Variants in TRMT11 observed in about 807,000 individuals in gnomAD.
TRMT11 encodes tRNA (guanine(10)-N(2))-methyltransferase TRMT11.
Under a neutral mutation model 62.8 loss-of-function variants are expected in TRMT11, and 53 were observed. That is an observed-to-expected ratio of 0.84 (90% CI 0.68 to 1.06). TRMT11 has a LOEUF of 1.06. Among genes scored for constraint, TRMT11 ranks in the 50% least tolerant of loss-of-function variants. TRMT11 has a pLI of 0.00. For missense variants in TRMT11, 556 were observed against 553.4 expected, an observed-to-expected ratio of 1.00 and a Z score of -0.05; for synonymous variants, 188 against 190.3, an observed-to-expected ratio of 0.99 and a Z score of 0.10.
At chr6:126,067,131 G>A (rs1776716368) in intron 17 of TRMT11, among the ~76,000 whole-genome samples, 1 of 151,806 alleles carries the variant, frequency 6.6e-6, no homozygotes, top group Non-Finnish European at 1.5e-5. Context: ...AGGAGGCTGA[G>A]GCAGGAGAAT....
chr6:126,247,028 A>T, the TRMT11 span, among the ~76,000 whole-genome samples: 1 of 152,292 alleles, frequency 6.6e-6, no homozygotes, highest in African/African-American at 2.4e-5. Flanking sequence ...GCCAACCTGG[A>T]GATAAGACTT....
the TRMT11 span, among the ~76,000 whole-genome samples, chr6:126,269,263 C>CAA: frequency 0.02 from 1,252 of 63,022 alleles, 7 homozygotes; most frequent in Non-Finnish European, 0.026. Context: ...GACTCCGTCT[C>CAA]AAAAAAAAAA....
intron 16 of TRMT11, among the ~76,000 whole-genome samples, chr6:126,051,806 T>C (rs1486225796): frequency 6.6e-6 from 1 of 152,098 alleles, no homozygotes; most frequent in African/African-American, 2.4e-5. Context: ...GAGCCTATGG[T>C]ACAAGCATGA....
At chr6:126,189,824 T>A (rs372311817) in intron 1 of TRMT11, among the ~76,000 whole-genome samples, 19 of 152,250 alleles carry the variant, frequency 1.2e-4, no homozygotes, top group Middle Eastern at 3.4e-3. Flanking sequence ...CTCAAAACAG[T>A]CATTGTTTTT....
intron 17 of TRMT11, among the ~76,000 whole-genome samples, chr6:126,075,285 T>C (rs1776987788): frequency 6.6e-6 from 1 of 152,142 alleles, no homozygotes; most frequent in Admixed American, 6.6e-5. Context: ...CTAGTTCTTA[T>C]TGCTCTGCAG....
chr6:126,251,472 G>A, the TRMT11 span, among the ~76,000 whole-genome samples: 6 of 152,112 alleles, frequency 3.9e-5, no homozygotes, highest in African/African-American at 1.4e-4. Flanking sequence ...ATTTTTGTGT[G>A]AAAAGTGTTT....
chr6:126,240,202 C>T, the TRMT11 span, among the ~76,000 whole-genome samples: 1 of 152,212 alleles, frequency 6.6e-6, no homozygotes, highest in Non-Finnish European at 1.5e-5. Context: ...GCCTTCTTCT[C>T]TCAACTCGTC....
At chr6:126,131,617 T>C (rs1471158946) in intron 21 of TRMT11, among the ~76,000 whole-genome samples, 1 of 151,988 alleles carries the variant, frequency 6.6e-6, no homozygotes, top group Admixed American at 6.6e-5. Context: ...AGTCCTTAAG[T>C]ATGTTTACCT....
At chr6:126,080,113 T>TG (rs202143158) in intron 17 of TRMT11, among the ~76,000 whole-genome samples, 15,524 of 151,576 alleles carry the variant, frequency 0.1, 1,399 homozygotes, top group African/African-American at 0.25. Flanking sequence ...TTGTTGTTGT[T>TG]TTTTTAGAGA....
chr6:126,078,939 T>C (rs899095867), intron 17 of TRMT11, among the ~76,000 whole-genome samples: 37 of 152,214 alleles, frequency 2.4e-4, no homozygotes, highest in African/African-American at 8.9e-4. Flanking sequence ...TAAAATACAT[T>C]GTCACATTCA....
intron 17 of TRMT11, among the ~76,000 whole-genome samples, chr6:126,069,333 C>T (rs907069751): frequency 8.5e-5 from 13 of 152,246 alleles, no homozygotes; most frequent in African/African-American, 3.1e-4. Flanking sequence ...GCTGTGAACA[C>T]CACCAGAACA....
intron 8 of TRMT11, among the ~76,000 whole-genome samples, chr6:126,009,594 T>G (rs1793881786): frequency 6.6e-6 from 1 of 152,024 alleles, no homozygotes. Flanking sequence ...TATTTTCTTT[T>G]GTGGAAGTAA....
At chr6:126,201,729 T>C (rs9491588) in intron 3 of TRMT11, among the ~76,000 whole-genome samples, 14,989 of 152,170 alleles carry the variant, frequency 0.099, 2,470 homozygotes, top group African/African-American at 0.34. Context: ...TCTCTCTTTA[T>C]TTTTATTTTC....
Position 126,071,670 on chromosome 6 carries a change from T to C in TRMT11, c.*1437+18480T>C, listed in dbSNP as rs79480145. ...GTTTGCTTTGCTTTTTTTTTTTTTTTTCTCTCAGGAGCTAAAGTGAACTCT... is the reference window on the plus strand; with the variant it reads ...GTTTGCTTTGCTTTTTTTTTTTTTTCTCTCTCAGGAGCTAAAGTGAACTCT... On this transcript the variant is annotated intron_variant and NMD_transcript_variant, in intron 17 of 22. Coordinates refer to the TRMT11 transcript ENST00000648977. Among the ~76,000 whole-genome samples the C allele has an allele frequency of 2.6e-5, 4 of 151,942 alleles. No homozygotes were observed. The East Asian group carries it at 7.7e-4, about 29-fold the overall frequency.
At chr6:126,139,245 T>G (rs1016051437) in intron 21 of TRMT11, among the ~76,000 whole-genome samples, 1 of 152,072 alleles carries the variant, frequency 6.6e-6, no homozygotes, top group African/African-American at 2.4e-5. Context: ...AAAAATATTA[T>G]AGGTATGGCT....
At chr6:126,077,036 C>G (rs1006619382) in intron 17 of TRMT11, among the ~76,000 whole-genome samples, 1 of 152,212 alleles carries the variant, frequency 6.6e-6, no homozygotes, top group Non-Finnish European at 1.5e-5. Context: ...ATAGATCCCA[C>G]AGCCAGATCC....
chr6:126,129,882 C>G lies in TRMT11; in HGVS notation c.*1823+14027C>G, dbSNP rs957441169. Among the ~76,000 whole-genome samples the G allele has an allele frequency of 2.6e-5, 4 of 152,048 alleles. No individual in the cohort carries two copies. The East Asian group carries it at 5.8e-4, about 22-fold the overall frequency. ...GCTCAGTGTGTTTGTTTTTACACAACTAATCTTTGGCTTCTGGCTCACTGT... is the reference window on the plus strand; with the variant it reads ...GCTCAGTGTGTTTGTTTTTACACAAGTAATCTTTGGCTTCTGGCTCACTGT... On this transcript the variant is annotated intron_variant and NMD_transcript_variant, in intron 21 of 22. Transcript: ENST00000648977.
intron 21 of TRMT11, among the ~76,000 whole-genome samples, chr6:126,151,228 T>TA (rs1168397625): frequency 6.6e-6 from 1 of 152,330 alleles, no homozygotes; most frequent in East Asian, 1.9e-4. Context: ...AATTACTAGT[T>TA]AAAACGCTAT....
intron 1 of TRMT11, among the ~76,000 whole-genome samples, chr6:125,991,102 C>T (rs987729855): frequency 6.6e-6 from 1 of 151,830 alleles, no homozygotes; most frequent in African/African-American, 2.4e-5. Context: ...AAAAATTAGC[C>T]AGATGTGGTG....
Sources: allele counts gnomAD v4.1 joint callset (sites outside exome capture counted in the v4.1 genomes callset), GRCh38; gene constraint gnomAD v4.1.1; transcripts MANE v1.5; gene names NCBI Gene and HGNC (gene_info 2026-07-23, HGNC 2026-07-21).